The following SH3RF3 variants were observed in gnomAD, a reference collection of about 807,000 sequenced individuals.
The protein encoded by SH3RF3 is E3 ubiquitin-protein ligase SH3RF3.
In SH3RF3, 29 loss-of-function variants were observed where a neutral mutation model predicts 66.3. That is an observed-to-expected ratio of 0.44 (90% confidence interval 0.33 to 0.60). The LOEUF is 0.60. Ranked by LOEUF, SH3RF3 falls within the 20% of genes least tolerant of loss-of-function variation. SH3RF3 has a pLI of 0.04. For synonymous variants in SH3RF3, 583 were observed against 532.0 expected (o/e 1.10, Z -1.32); for missense variants, 1,194 against 1,190.9 (o/e 1.00, Z -0.04).
chr2:109,149,283 G>T (rs1677176985), intron 1 of SH3RF3, among the ~76,000 whole-genome samples: 1 of 152,178 alleles, frequency 6.6e-6, no homozygotes, highest in Non-Finnish European at 1.5e-5. Context: ...CCCGTTCTCT[G>T]GGAGATCCAT....
intron 4 of SH3RF3, among the ~76,000 whole-genome samples, chr2:109,416,675 A>G (rs1676732167): frequency 6.6e-6 from 1 of 152,008 alleles, no homozygotes; most frequent in South Asian, 2.1e-4. Context: ...GAGCCACTGC[A>G]CTGGATATTG....
intron 1 of SH3RF3, among the ~76,000 whole-genome samples, chr2:109,335,955 A>G (rs1028205814): frequency 2.0e-5 from 3 of 152,218 alleles, no homozygotes; most frequent in South Asian, 2.1e-4. Flanking sequence ...GGAGTGGGAT[A>G]TGTCGGTGAG....
At chr2:109,428,798 C>T (rs6542825) in intron 5 of SH3RF3, among the ~76,000 whole-genome samples, 59,039 of 151,930 alleles carry the variant, frequency 0.39, 11,834 homozygotes, top group East Asian at 0.46. Flanking sequence ...CTGAGCACTC[C>T]GCAGGGCCTG....
In SH3RF3 at chr2:109,371,575, C is replaced by T. The variant is rs371825072; in HGVS notation, c.850-11C>T. ...CGTATGCTTGTGTCCACGGTGGACC[C>T]GGAACTGCAGGACGAGATTCTGACG... is the stretch of plus-strand genomic sequence containing the variant. On this transcript the variant is annotated splice_polypyrimidine_tract_variant and intron_variant, in intron 2 of 9. Transcript: ENST00000309415. 2.4e-5 allele frequency: 38 copies of T among 1,613,054 alleles called. No individual in the cohort carries two copies. Among genetic ancestry groups the T allele is most frequent in the Middle Eastern group, 3.3e-4 (2 of 6,050 alleles).
rs1487176663 is a variant in SH3RF3, at chr2:109,129,275, A to C, written c.-266A>C. On this transcript the variant is annotated 5_prime_UTR_variant, in exon 1 of 10. Transcript: ENST00000309415. ...GCGCGGGGCGGACTTGCGGCGGGAC[A>C]GGTGTAGCCCGCAGCCGCAGGCGCT... 4.9e-6 allele frequency: 3 copies of C among 612,506 alleles called. No homozygotes were observed. In the Admixed American group the frequency reaches 8.4e-5, roughly 17 times the overall value. The allele number at this position is 612,506 out of a possible 1,614,324, so 37.9% of individuals were successfully genotyped here.
At chr2:109,474,983 TTGTTTG>T (rs1474922744) in intron 8 of SH3RF3, among the ~76,000 whole-genome samples, 48 of 152,262 alleles carry the variant, frequency 3.2e-4, no homozygotes, top group African/African-American at 1.1e-3. Context: ...GTTTGTTTGT[TTGTTTG>T]TTTTTTTGAG....
chr2:109,388,757 A>G (rs1675899386), intron 3 of SH3RF3, among the ~76,000 whole-genome samples: 1 of 152,192 alleles, frequency 6.6e-6, no homozygotes, highest in Admixed American at 6.5e-5. Context: ...TCAGACCTCC[A>G]AGGATCAGCT....
At chr2:109,434,267 C>T (rs772513555) in intron 6 of SH3RF3, among the ~76,000 whole-genome samples, 16 of 152,254 alleles carry the variant, frequency 1.1e-4, no homozygotes, top group Admixed American at 6.5e-4. Context: ...CTCTGTCACA[C>T]GCCCTACTGT....
intron 3 of SH3RF3, among the ~76,000 whole-genome samples, chr2:109,395,423 C>T (rs115007759): frequency 0.025 from 3,878 of 152,304 alleles, 67 homozygotes; most frequent in Middle Eastern, 0.048. Flanking sequence ...CCCTCGGCAG[C>T]GGTTCGCCTG....
chr2:109,212,575 A>G lies in SH3RF3; in HGVS notation c.573+82462A>G, dbSNP rs561491736. ...TGAGATCAAGTGGAGTGGCTTGAGGAGAAGTCGGCTGACCCACACATTTGA... is the reference window on the plus strand; with the variant it reads ...TGAGATCAAGTGGAGTGGCTTGAGGGGAAGTCGGCTGACCCACACATTTGA... On this transcript the variant is annotated intron_variant, in intron 1 of 9. Coordinates refer to ENST00000309415, the MANE Select transcript of SH3RF3 (RefSeq NM_001099289.3). Among the ~76,000 whole-genome samples, 238 of 152,290 alleles carry G rather than the reference A, an allele frequency of 1.6e-3. 6 individuals are homozygous for G. The highest frequency in any genetic ancestry group is 0.014 in the Admixed American group (221 of 15,302).
chr2:109,171,935 C>T (rs187216677), intron 1 of SH3RF3, among the ~76,000 whole-genome samples: 3 of 152,376 alleles, frequency 2.0e-5, no homozygotes, highest in Admixed American at 1.3e-4. Context: ...CCAGCCTTGA[C>T]TCCCTCCTTT....
intron 2 of SH3RF3, among the ~76,000 whole-genome samples, chr2:109,356,804 C>T (rs1371495181): frequency 6.6e-6 from 1 of 152,130 alleles, no homozygotes; most frequent in Non-Finnish European, 1.5e-5. Context: ...TCCTGGGTGA[C>T]TGAAAATAAG....
chr2:109,321,930 G>A (rs1682036696), intron 1 of SH3RF3, among the ~76,000 whole-genome samples: 1 of 152,128 alleles, frequency 6.6e-6, no homozygotes, highest in Admixed American at 6.5e-5. Context: ...GGGGAGATGG[G>A]GCCCTTTTCT....
At position 109,360,215 on chromosome 2, in the gene SH3RF3, A is replaced by T. The variant is rs147523712; in HGVS notation, c.850-11371A>T. ...GCTACTGTGCCGCTTAGTTACTCTG[A>T]ACATGTAATTTTTTTCACTGTATTA... On this transcript the variant is annotated intron_variant, in intron 2 of 9. Coordinates refer to ENST00000309415, the MANE Select transcript of SH3RF3 (RefSeq NM_001099289.3). Among the ~76,000 whole-genome samples the T allele has an allele frequency of 7.5e-3, 1,147 of 152,310 alleles. 11 individuals are homozygous for T. Among genetic ancestry groups the T allele is most frequent in the Non-Finnish European group, 0.013 (900 of 68,030 alleles).
intron 5 of SH3RF3, among the ~76,000 whole-genome samples, chr2:109,430,427 C>T (rs1415872125): frequency 6.6e-6 from 1 of 152,156 alleles, no homozygotes; most frequent in African/African-American, 2.4e-5. Context: ...TGCCTCAGCC[C>T]AGGCTGTGTG....
At chr2:109,299,978 A>G (rs1228510586) in intron 1 of SH3RF3, among the ~76,000 whole-genome samples, 5 of 152,164 alleles carry the variant, frequency 3.3e-5, no homozygotes, top group Non-Finnish European at 7.4e-5. Flanking sequence ...TGTTCTATTT[A>G]TTTATTTCGC....
At chr2:109,371,744 G>T (rs750199665) in intron 3 of SH3RF3, 63 bp downstream of exon 3, 12 of 1,435,986 alleles carry the variant, frequency 8.4e-6, no homozygotes, top group Non-Finnish European at 1.1e-5. Context: ...CACTACAGTG[G>T]GGTCACCTGA....
chr2:109,304,167 G>C (rs1030060603), intron 1 of SH3RF3, among the ~76,000 whole-genome samples: 2 of 151,806 alleles, frequency 1.3e-5, no homozygotes, highest in African/African-American at 4.8e-5. Context: ...TTGTTAGCTG[G>C]AGTCACACTG....
chr2:109,354,955 C>G lies in SH3RF3; in HGVS notation c.849+7006C>G, dbSNP rs186237923. Among the ~76,000 whole-genome samples the G allele has an allele frequency of 7.2e-5, 11 of 152,210 alleles. No individual in the cohort carries two copies. The East Asian group carries it at 2.1e-3, about 29-fold the overall frequency. The stretch of plus-strand genomic sequence containing the variant: ...AAAGGTGATATAGTTTTTTAGTAAC[C>G]ACTTTATGTTCATAGCTCAGGCTTA... On this transcript the variant is annotated intron_variant, in intron 2 of 9. Transcript: ENST00000309415.
Sources: gnomAD v4.1 joint callset for allele counts (sites outside exome capture counted in the v4.1 genomes callset) on GRCh38, gnomAD v4.1.1 for gene constraint, MANE v1.5 for transcripts, NCBI Gene and HGNC (gene_info 2026-07-23, HGNC 2026-07-21) for gene names.